The following DIS3L2 variants were observed in gnomAD, a reference collection of about 807,000 sequenced individuals.
The protein encoded by DIS3L2 is DIS3-like exonuclease 2.
In DIS3L2, 34 loss-of-function variants were observed where a neutral mutation model predicts 97.5. The observed-to-expected ratio is 0.35, with a 90% confidence interval of 0.27 to 0.46. The LOEUF (loss-of-function observed/expected upper bound fraction) is 0.46, where lower values mean the gene tolerates loss of function less well. Among genes scored for constraint, DIS3L2 ranks in the 20% least tolerant of loss-of-function variants. The pLI is 1.00. For synonymous variants in DIS3L2, 435 were observed against 445.2 expected, an observed-to-expected ratio of 0.98 and a Z score of 0.29; for missense variants, 1,038 against 1,146.0, an observed-to-expected ratio of 0.91 and a Z score of 1.36.
chr2:232,130,781 G>T (rs1452044127), intron 7 of DIS3L2, 62 bp downstream of exon 7: 1 of 1,591,620 alleles, frequency 6.3e-7, no homozygotes, highest in Admixed American at 1.8e-5. Flanking sequence ...ACTTGTTGAA[G>T]ATCTCGTGTG....
intron 10 of DIS3L2, among the ~76,000 whole-genome samples, chr2:232,238,178 T>G (rs1352413043): frequency 6.6e-6 from 1 of 152,150 alleles, no homozygotes; most frequent in Admixed American, 6.5e-5. Context: ...GATTTGGGGA[T>G]TAATTCACTT....
At chr2:232,262,251 G>A (rs1296117883) in intron 12 of DIS3L2, among the ~76,000 whole-genome samples, 1 of 151,958 alleles carries the variant, frequency 6.6e-6, no homozygotes, top group Non-Finnish European at 1.5e-5. Flanking sequence ...GCCCACATCC[G>A]AATGCCTGCC....
At chr2:231,989,861 AAAGAT>A (rs1193752151) in intron 1 of DIS3L2, among the ~76,000 whole-genome samples, 2 of 152,124 alleles carry the variant, frequency 1.3e-5, no homozygotes, top group African/African-American at 4.8e-5. Flanking sequence ...ACAACAACAA[AAAGAT>A]AAGATGTAGG....
rs559319866 is a variant in DIS3L2 at position 232,318,457 on chromosome 2, C to G, written c.1740-11356C>G. Among the ~76,000 whole-genome samples, 4 of 152,318 alleles carry G rather than the reference C, an allele frequency of 2.6e-5. No homozygotes were observed. In the East Asian group the frequency reaches 7.7e-4, roughly 29 times the overall value. On this transcript the variant is annotated intron_variant, in intron 14 of 20. Coordinates refer to ENST00000325385, the MANE Select transcript of DIS3L2 (RefSeq NM_152383.5). ...TTAGTGCCAGGTACTGCACTGAGCA[C>G]AAGAGAAGGGCCCAGTTCCTTCCCT... is the stretch of plus-strand genomic sequence containing the variant.
In DIS3L2 at chr2:232,219,552, C is replaced by A. The variant is rs560566309; in HGVS notation, c.1204+9147C>A. 2.6e-5 allele frequency among the ~76,000 whole-genome samples: 4 copies of A among 152,270 alleles called. No individual in the cohort carries two copies. The South Asian group carries it at 8.3e-4, about 32-fold the overall frequency. ...TTTCTTTGGAATTGGGCATACCTTT[C>A]CCTTATTCCATTCAAGTGTTTCACT... On this transcript the variant is annotated intron_variant, in intron 10 of 20. Transcript: ENST00000325385.
At chr2:232,026,438 G>A (rs1235937106) in intron 4 of DIS3L2, among the ~76,000 whole-genome samples, 1 of 152,022 alleles carries the variant, frequency 6.6e-6, no homozygotes, top group Non-Finnish European at 1.5e-5. Context: ...CTTGCATTCA[G>A]TGAGGGCCCT....
intron 10 of DIS3L2, among the ~76,000 whole-genome samples, chr2:232,221,247 G>A (rs1483024913): frequency 6.6e-6 from 1 of 152,078 alleles, no homozygotes; most frequent in East Asian, 1.9e-4. Flanking sequence ...AACTTTATAT[G>A]TAGATTTTAA....
intron 6 of DIS3L2, among the ~76,000 whole-genome samples, chr2:232,096,762 T>C (rs1230458141): frequency 1.3e-5 from 2 of 152,218 alleles, no homozygotes; most frequent in African/African-American, 4.8e-5. Flanking sequence ...AGATTTTCTG[T>C]TTGATTTTTT....
At chr2:232,160,511 T>C (rs1297516870) in intron 8 of DIS3L2, among the ~76,000 whole-genome samples, 1 of 152,150 alleles carries the variant, frequency 6.6e-6, no homozygotes, top group African/African-American at 2.4e-5. Context: ...ATATTGGTAA[T>C]TTGTGTTTTT....
intron 15 of DIS3L2, among the ~76,000 whole-genome samples, chr2:232,330,377 C>T (rs1355747155): frequency 6.6e-6 from 1 of 152,200 alleles, no homozygotes; most frequent in Admixed American, 6.5e-5. Flanking sequence ...CTAAGAAACC[C>T]AGGGCCTTGG....
chr2:232,278,489 C>G (rs994841766), intron 13 of DIS3L2, among the ~76,000 whole-genome samples: 1 of 152,136 alleles, frequency 6.6e-6, no homozygotes, highest in African/African-American at 2.4e-5. Context: ...AGCCTCAGCC[C>G]CTGGCAACCA....
chr2:232,212,091 T>C (rs757613077), intron 10 of DIS3L2, among the ~76,000 whole-genome samples: 1 of 152,092 alleles, frequency 6.6e-6, no homozygotes, highest in Non-Finnish European at 1.5e-5. Context: ...TTTAGAGAAA[T>C]TATATCTTTT....
rs1265318006 is a variant in DIS3L2, at chr2:232,325,475, A to G, written c.1740-4338A>G. ...GTTTGTGAGGGGCTCGCTGAGCCTC[A>G]TACCTGAGCCTCCCCCTCCCCACCC... On this transcript the variant is annotated intron_variant, in intron 14 of 20. Transcript: ENST00000325385. This position sits in a 1 kb window ranked among gnomAD's most constrained non-coding sequence, Gnocchi z 4.6. 6.6e-6 allele frequency among the ~76,000 whole-genome samples: 1 copy of G among 152,098 alleles called. No homozygotes were observed. Among genetic ancestry groups the G allele is most frequent in the African/African-American group, 2.4e-5 (1 of 41,402 alleles).
At chr2:231,962,861 T>C (rs1001215772) in intron 1 of DIS3L2, among the ~76,000 whole-genome samples, 1 of 152,200 alleles carries the variant, frequency 6.6e-6, no homozygotes, top group Admixed American at 6.5e-5. Context: ...TTGTGCTAAT[T>C]CGTTTAGGAT....
intron 1 of DIS3L2, among the ~76,000 whole-genome samples, chr2:231,982,189 A>G (rs1693283248): frequency 6.6e-6 from 1 of 152,078 alleles, no homozygotes; most frequent in Non-Finnish European, 1.5e-5. Flanking sequence ...TGTAATCTTC[A>G]ATATATTGTG....
At chr2:232,265,474 A>G (rs1396419975) in intron 13 of DIS3L2, among the ~76,000 whole-genome samples, 3 of 152,176 alleles carry the variant, frequency 2.0e-5, no homozygotes, top group Non-Finnish European at 2.9e-5. Flanking sequence ...CCCTCTGTAA[A>G]ACGCAGTGAT....
chr2:232,000,969 G>A (rs1693883502), intron 1 of DIS3L2, among the ~76,000 whole-genome samples: 1 of 151,746 alleles, frequency 6.6e-6, no homozygotes, highest in African/African-American at 2.4e-5. Flanking sequence ...TGAGGATTTA[G>A]GTTGATTCCG....
At chr2:231,967,412 TTTCTG>T (rs1239733846) in intron 1 of DIS3L2, among the ~76,000 whole-genome samples, 2 of 152,196 alleles carry the variant, frequency 1.3e-5, no homozygotes, top group Admixed American at 1.3e-4. Context: ...GCCCCAAACA[TTTCTG>T]TTTAACTTCA....
chr2:232,283,538 G>A (rs1366217991), intron 13 of DIS3L2, among the ~76,000 whole-genome samples: 1 of 152,122 alleles, frequency 6.6e-6, no homozygotes, highest in African/African-American at 2.4e-5. Flanking sequence ...AACTACAGGT[G>A]TTGTGAGCGA....
Sources: allele counts gnomAD v4.1 joint callset (sites outside exome capture counted in the v4.1 genomes callset), GRCh38; gene constraint gnomAD v4.1.1; non-coding constraint Gnocchi (gnomAD v3.1); transcripts MANE v1.5; gene names NCBI Gene and HGNC (gene_info 2026-07-23, HGNC 2026-07-21).